Variants in CTNNA3 observed in about 807,000 individuals in gnomAD.
CTNNA3 encodes the protein catenin alpha 3.
CTNNA3 carries 76 observed loss-of-function variants against 95.7 expected under a neutral mutation model. The ratio of observed to expected loss-of-function variants is 0.79; its 90% CI spans 0.66 to 0.96. The LOEUF (loss-of-function observed/expected upper bound fraction) is 0.96. Among genes scored for constraint, CTNNA3 ranks in the 40% least tolerant of loss-of-function variants. CTNNA3 has a pLI of 0.00. For synonymous variants in CTNNA3, 431 were observed against 374.4 expected (o/e 1.15, Z -1.74); for missense variants, 1,191 against 1,089.8 (o/e 1.09, Z -1.31).
At chr10:67,634,517 A>C (rs1164716349) in intron 2 of CTNNA3, among the ~76,000 whole-genome samples, 1 of 152,218 alleles carries the variant, frequency 6.6e-6, no homozygotes, top group Non-Finnish European at 1.5e-5. Context: ...TTCCAATTAA[A>C]AGACACAGAA....
chr10:66,394,550 T>TAAAAAAAAAAAAAAAAAAA (rs71035137), intron 11 of CTNNA3, among the ~76,000 whole-genome samples: 1 of 128,162 alleles, frequency 7.8e-6, no homozygotes, highest in Non-Finnish European at 1.6e-5. Flanking sequence ...AGCACTGGGT[T>TAAAAAAAAAAAAAAAAAAA]AAAAAAAAAA....
intron 7 of CTNNA3, among the ~76,000 whole-genome samples, chr10:66,971,833 T>G (rs1339278710): frequency 1.3e-5 from 2 of 152,096 alleles, no homozygotes; most frequent in Admixed American, 6.6e-5. Context: ...TAACAATAGG[T>G]TCTTCTCTTT....
At chr10:67,504,435 CAAAAAAAAAAAA>C (rs60719599) in intron 5 of CTNNA3, among the ~76,000 whole-genome samples, 3 of 16,154 alleles carry the variant, frequency 1.9e-4, no homozygotes, top group Admixed American at 7.6e-4. Flanking sequence ...GACTCCATCT[CAAAAAAAAAAAA>C]AAAAAAAAAA....
chr10:66,440,588 C>A (rs1194296447), intron 11 of CTNNA3, among the ~76,000 whole-genome samples: 2 of 152,134 alleles, frequency 1.3e-5, no homozygotes, highest in African/African-American at 2.4e-5. Context: ...ACTTTTGTAA[C>A]TATACACTAC....
At chr10:67,243,390 A>T (rs1865790469) in intron 5 of CTNNA3, among the ~76,000 whole-genome samples, 1 of 152,170 alleles carries the variant, frequency 6.6e-6, no homozygotes, top group South Asian at 2.1e-4. Flanking sequence ...TTAGGGATAA[A>T]ATTAAGGAAG....
At chr10:66,795,083 C>T (rs1841135919) in intron 7 of CTNNA3, among the ~76,000 whole-genome samples, 1 of 152,122 alleles carries the variant, frequency 6.6e-6, no homozygotes, top group South Asian at 2.1e-4. Flanking sequence ...TCAACTTCTT[C>T]CAAATGCCTA....
chr10:67,556,330 T>C (rs1159158874), intron 3 of CTNNA3, among the ~76,000 whole-genome samples: 2 of 152,232 alleles, frequency 1.3e-5, no homozygotes, highest in African/African-American at 4.8e-5. Context: ...GAAGGAATAG[T>C]ACCAGCTCCT....
chr10:66,196,127 T>C (rs1205209917), intron 13 of CTNNA3, among the ~76,000 whole-genome samples: 1 of 152,066 alleles, frequency 6.6e-6, no homozygotes, highest in Admixed American at 6.6e-5. Context: ...AGATTCCAAA[T>C]TGGAAAGATA....
intron 7 of CTNNA3, among the ~76,000 whole-genome samples, chr10:66,985,062 G>T (rs747559539): frequency 6.6e-6 from 1 of 152,098 alleles, no homozygotes; most frequent in South Asian, 2.1e-4. Flanking sequence ...CTTTGTCTCA[G>T]ATTTTTCCGT....
chr10:65,990,709 A>T (rs572138337), intron 15 of CTNNA3, among the ~76,000 whole-genome samples: 1 of 151,398 alleles, frequency 6.6e-6, no homozygotes, highest in Non-Finnish European at 1.5e-5. Flanking sequence ...ATTTTCTACT[A>T]TTTAACAGGC....
intron 9 of CTNNA3, among the ~76,000 whole-genome samples, chr10:66,623,936 C>T (rs1167127175): frequency 6.6e-6 from 1 of 152,148 alleles, no homozygotes; most frequent in Non-Finnish European, 1.5e-5. Context: ...TTCTGCATGG[C>T]TCTTTAGTCA....
At chr10:66,084,111 G>T (rs1014674616) in intron 14 of CTNNA3, among the ~76,000 whole-genome samples, 3 of 136,600 alleles carry the variant, frequency 2.2e-5, no homozygotes, top group Non-Finnish European at 3.1e-5. Context: ...CTCCAGCATG[G>T]GTAACAACAG....
At chr10:65,957,767 A>T (rs2077762534) in intron 17 of CTNNA3, among the ~76,000 whole-genome samples, 2 of 152,110 alleles carry the variant, frequency 1.3e-5, no homozygotes, top group Non-Finnish European at 2.9e-5. Flanking sequence ...TGTTAGTCTG[A>T]TGGGCTTCCC....
chr10:67,025,859 A>G (rs902292301), intron 7 of CTNNA3, among the ~76,000 whole-genome samples: 2 of 151,296 alleles, frequency 1.3e-5, no homozygotes, highest in Non-Finnish European at 2.9e-5. Context: ...GAACCAACCC[A>G]AATGTCCAAC....
intron 5 of CTNNA3, among the ~76,000 whole-genome samples, chr10:67,441,270 A>C (rs949290363): frequency 6.6e-6 from 1 of 151,938 alleles, no homozygotes; most frequent in African/African-American, 2.4e-5. Flanking sequence ...AAGACAAAAA[A>C]AAAAAAAGAA....
intron 5 of CTNNA3, among the ~76,000 whole-genome samples, chr10:67,461,805 A>G (rs74142803): frequency 1.8e-3 from 274 of 152,310 alleles, no homozygotes; most frequent in African/African-American, 6.2e-3. Context: ...TGTATGTTTC[A>G]TTAAACATCC....
rs574319317 is a variant in CTNNA3 at position 65,982,186 on chromosome 10, A to G, written c.2265+6506T>C. 2.5e-4 allele frequency among the ~76,000 whole-genome samples: 38 copies of G among 150,946 alleles called. 2 individuals are homozygous for G. In the South Asian group the frequency reaches 8.0e-3, roughly 32 times the overall value. Reference sequence around the variant, plus strand: ...TCCCATCAAAAAGTGGGCTAAGGACATGAATAGACGATTCTCAAAAAAAAA... The same window carrying G: ...TCCCATCAAAAAGTGGGCTAAGGACGTGAATAGACGATTCTCAAAAAAAAA... On this transcript the variant is annotated intron_variant, in intron 16 of 17. Transcript: ENST00000433211.
intron 7 of CTNNA3, among the ~76,000 whole-genome samples, chr10:67,064,186 G>C (rs180983537): frequency 1.3e-5 from 2 of 152,064 alleles, no homozygotes; most frequent in Non-Finnish European, 1.5e-5. Flanking sequence ...TACATCATTA[G>C]AACATTTGAA....
intron 9 of CTNNA3, among the ~76,000 whole-genome samples, chr10:66,699,382 C>G (rs1847868539): frequency 6.6e-6 from 1 of 152,000 alleles, no homozygotes. Flanking sequence ...CACTTGTTAT[C>G]TCTTGGTGTT....
Sources: gnomAD v4.1 joint callset for allele counts (sites outside exome capture counted in the v4.1 genomes callset) on GRCh38, gnomAD v4.1.1 for gene constraint, MANE v1.5 for transcripts, NCBI Gene and HGNC (gene_info 2026-07-23, HGNC 2026-07-21) for gene names.